Variants in SLC2A9 observed in about 807,000 individuals in gnomAD.
The protein encoded by SLC2A9 is solute carrier family 2, facilitated glucose transporter member 9.
SLC2A9 carries 39 observed loss-of-function variants against 50.6 expected under a neutral mutation model. The observed-to-expected ratio is 0.77, with a 90% confidence interval of 0.60 to 1.01. The LOEUF (loss-of-function observed/expected upper bound fraction) is 1.01. SLC2A9 is among the 50% of genes least tolerant of loss of function. The probability of loss-of-function intolerance (pLI) is 0.00; values close to 1 mark genes in which losing one functional copy is unlikely to be tolerated. For missense variants in SLC2A9, 686 were observed against 677.6 expected (o/e 1.01, Z -0.14); for synonymous variants, 324 against 276.9 (o/e 1.17, Z -1.69).
At chr4:9,939,286 A>T (rs1437605004) in intron 6 of SLC2A9, among the ~76,000 whole-genome samples, 1 of 152,168 alleles carries the variant, frequency 6.6e-6, no homozygotes, top group Non-Finnish European at 1.5e-5. Context: ...AGCCCTACTA[A>T]GATTAACAGA....
In SLC2A9 at chr4:9,919,379, G is replaced by T. The variant is rs1310309116; in HGVS notation, c.1002+1006C>A. On this transcript the variant is annotated intron_variant, in intron 7 of 11. Coordinates refer to ENST00000264784, the MANE Select transcript of SLC2A9 (RefSeq NM_020041.3). ...AGTGTTTCCGAAAATAGAACCAACAGTTGTTGAAAGGAGGTGGAACAACAC... is the reference window on the plus strand; with the variant it reads ...AGTGTTTCCGAAAATAGAACCAACATTTGTTGAAAGGAGGTGGAACAACAC... Among the ~76,000 whole-genome samples, 58 of 152,304 alleles carry T rather than the reference G, an allele frequency of 3.8e-4. 1 individual carries two copies. Among genetic ancestry groups the T allele is most frequent in the South Asian group, 1.2e-3 (6 of 4,826 alleles).
chr4:9,941,837 G>A, intron 6 of SLC2A9, 76 bp downstream of exon 6: 1 of 1,599,712 alleles, frequency 6.3e-7, no homozygotes, highest in South Asian at 1.1e-5. Context: ...GTGCCCATTG[G>A]CCCAGGTCCC....
chr4:9,852,065 A>G (rs1730017330), intron 10 of SLC2A9, among the ~76,000 whole-genome samples: 1 of 152,196 alleles, frequency 6.6e-6, no homozygotes, highest in Admixed American at 6.5e-5. Context: ...ACTATATAAG[A>G]TGAACATCCC....
chr4:9,832,407 G>C (rs186583136), intron 11 of SLC2A9, among the ~76,000 whole-genome samples: 2 of 152,220 alleles, frequency 1.3e-5, no homozygotes, highest in Admixed American at 1.3e-4. Context: ...TGGGTCAGGA[G>C]GCTGACATTT....
intron 10 of SLC2A9, among the ~76,000 whole-genome samples, chr4:9,836,698 C>A (rs746086499): frequency 8.5e-5 from 13 of 152,188 alleles, no homozygotes; most frequent in Non-Finnish European, 1.5e-4. Context: ...GGCTGCTATG[C>A]AGCAGTTGAG....
intron 1 of SLC2A9, among the ~76,000 whole-genome samples, chr4:10,026,926 C>T (rs981933901): frequency 2.7e-4 from 41 of 152,070 alleles, no homozygotes; most frequent in African/African-American, 9.9e-4. Flanking sequence ...CACCTGTAAT[C>T]CCAGCTACTC....
chr4:9,817,797 C>T (rs187297150), intron 3 of SLC2A9, among the ~76,000 whole-genome samples: 84 of 152,252 alleles, frequency 5.5e-4, no homozygotes, highest in African/African-American at 1.9e-3. Flanking sequence ...ATAATCTCAG[C>T]CCCCTAATCT....
At chr4:9,781,013 C>A (rs1488200086) in intron 3 of SLC2A9, among the ~76,000 whole-genome samples, 7 of 152,044 alleles carry the variant, frequency 4.6e-5, no homozygotes, top group Non-Finnish European at 1.0e-4. Context: ...GGACTGGGGG[C>A]GGTGGTGGGG....
chr4:9,962,295 T>C (rs1752384173), intron 5 of SLC2A9, among the ~76,000 whole-genome samples: 1 of 152,164 alleles, frequency 6.6e-6, no homozygotes, highest in Non-Finnish European at 1.5e-5. Flanking sequence ...CTATTCACAA[T>C]AGCAAAGACA....
rs190593177 is a variant in SLC2A9, at chr4:9,997,840, G to A, written c.250-899C>T. ...TAACATCTTCTGCTCTTCCAAAGAC[G>A]TCATTCAGAAATGAAAAGACAACCC... On this transcript the variant is annotated intron_variant, in intron 2 of 11. Transcript: ENST00000264784. Among the ~76,000 whole-genome samples the A allele has an allele frequency of 2.8e-3, 425 of 152,018 alleles. 1 individual carries two copies. The highest frequency in any genetic ancestry group is 3.8e-3 in the Non-Finnish European group (256 of 67,990).
intron 2 of SLC2A9, among the ~76,000 whole-genome samples, chr4:10,010,919 C>A (rs950221489): frequency 1.3e-5 from 2 of 152,324 alleles, no homozygotes; most frequent in South Asian, 2.1e-4. Flanking sequence ...GTCCATCCCC[C>A]AGTGGTCGTT....
upstream of SLC2A9, among the ~76,000 whole-genome samples, chr4:10,024,184 C>T (rs1423779803): frequency 6.6e-6 from 1 of 151,446 alleles, no homozygotes; most frequent in African/African-American, 2.4e-5. Flanking sequence ...CCATGTGTGC[C>T]TTCCCCTCTG....
At chr4:9,889,431 T>C (rs1184171630) in intron 9 of SLC2A9, among the ~76,000 whole-genome samples, 1 of 152,150 alleles carries the variant, frequency 6.6e-6, no homozygotes, top group East Asian at 1.9e-4. Context: ...AGAAAGACAA[T>C]GGCCTGGAAC....
chr4:9,800,896 G>A (rs528081954), intron 3 of SLC2A9, among the ~76,000 whole-genome samples: 93 of 152,186 alleles, frequency 6.1e-4, no homozygotes, highest in African/African-American at 2.2e-3. Context: ...CATGGATACC[G>A]AGGGACAACT....
chr4:9,838,706 C>T (rs1036927148), intron 10 of SLC2A9, among the ~76,000 whole-genome samples: 3 of 152,066 alleles, frequency 2.0e-5, no homozygotes, highest in African/African-American at 7.2e-5. Flanking sequence ...GACTGTGCAC[C>T]TACAACTATC....
At chr4:9,923,466 G>A (rs1384224533) in intron 6 of SLC2A9, among the ~76,000 whole-genome samples, 3 of 152,168 alleles carry the variant, frequency 2.0e-5, no homozygotes, top group Non-Finnish European at 4.4e-5. Flanking sequence ...CATGACTCTT[G>A]TGCAGCTGCT....
chr4:9,805,953 G>A (rs775524855), intron 3 of SLC2A9, among the ~76,000 whole-genome samples: 1 of 152,206 alleles, frequency 6.6e-6, no homozygotes, highest in Non-Finnish European at 1.5e-5. Flanking sequence ...TAAGTAACCT[G>A]ACCAGAGTCC....
chr4:9,915,301 G>C (rs1272065541), intron 7 of SLC2A9, among the ~76,000 whole-genome samples: 1 of 152,202 alleles, frequency 6.6e-6, no homozygotes, highest in African/African-American at 2.4e-5. Context: ...GCAATGGTGC[G>C]ATCTCAGCTC....
At chr4:9,788,989 C>T (rs1421304570) in intron 3 of SLC2A9, among the ~76,000 whole-genome samples, 3 of 152,130 alleles carry the variant, frequency 2.0e-5, no homozygotes, top group Admixed American at 2.0e-4. Flanking sequence ...TCTATATCCT[C>T]TTAAAAGAAG....
Sources: gnomAD v4.1 joint callset for allele counts (sites outside exome capture counted in the v4.1 genomes callset) on GRCh38, gnomAD v4.1.1 for gene constraint, MANE v1.5 for transcripts, NCBI Gene and HGNC (gene_info 2026-07-23, HGNC 2026-07-21) for gene names.